Variants in RAPGEF1 observed in about 807,000 individuals in gnomAD.
RAPGEF1 encodes CRK SH3-binding GNRP.
In RAPGEF1, 33 loss-of-function variants were observed where a neutral mutation model predicts 143.3. The observed-to-expected ratio is 0.23, with a 90% CI of 0.17 to 0.31. The LOEUF (loss-of-function observed/expected upper bound fraction) is 0.31. Ranked by LOEUF, RAPGEF1 falls within the 10% of genes least tolerant of loss-of-function variation. RAPGEF1 has a pLI of 1.00. For synonymous variants in RAPGEF1, 629 were observed against 676.5 expected (o/e 0.93, Z 1.09); for missense variants, 1,199 against 1,645.4 (o/e 0.73, Z 4.69).
At chr9:131,730,537 A>C (rs1332818617) in intron 1 of RAPGEF1, among the ~76,000 whole-genome samples, 1 of 151,562 alleles carries the variant, frequency 6.6e-6, no homozygotes, top group Non-Finnish European at 1.5e-5. Flanking sequence ...TCTACTAAAA[A>C]TACAAAAATT....
rs934014801 is a variant in RAPGEF1, at chr9:131,691,212, A to G, written c.62-40263T>C. ...TATTATTTCCACAATGACATGTGAT[A>G]CTATTTTAATTGTTTTAAACCTGTT... On this transcript the variant is annotated intron_variant, in intron 1 of 26. Coordinates refer to ENST00000683357, the MANE Select transcript of RAPGEF1 (RefSeq NM_001377935.1). Among the ~76,000 whole-genome samples the G allele has an allele frequency of 2.0e-5, 3 of 152,356 alleles. No individual in the cohort carries two copies. In the South Asian group the frequency reaches 6.2e-4, roughly 32 times the overall value.
rs1025421553 is a variant in RAPGEF1 at position 131,655,778 on chromosome 9, G to T, written c.62-4829C>A. On this transcript the variant is annotated intron_variant, in intron 1 of 26. Transcript: ENST00000683357. The surrounding 1 kb of genome is among the most constrained non-coding windows in gnomAD (Gnocchi z 4.1). The stretch of plus-strand genomic sequence containing the variant: ...ATTTTTTTGTATTTTTAGTAGAGAC[G>T]GGGTGTCACCGTGTTAGCCAGGATG... 1.3e-5 allele frequency among the ~76,000 whole-genome samples: 2 copies of T among 152,050 alleles called. No homozygotes were observed. The highest frequency in any genetic ancestry group is 3.9e-4 in the East Asian group (2 of 5,172).
chr9:131,592,524 G>A (rs1219362126), intron 17 of RAPGEF1, among the ~76,000 whole-genome samples: 2 of 152,130 alleles, frequency 1.3e-5, no homozygotes, highest in Non-Finnish European at 2.9e-5. Context: ...GCGGAAAAGG[G>A]CACTTAGGCT....
intron 1 of RAPGEF1, among the ~76,000 whole-genome samples, chr9:131,728,357 C>T (rs1836809136): frequency 6.6e-6 from 1 of 152,190 alleles, no homozygotes; most frequent in East Asian, 1.9e-4. Flanking sequence ...TTTAATTAAT[C>T]CCCGAAAGTC....
At chr9:131,656,263 T>C (rs1209180376) in intron 1 of RAPGEF1, among the ~76,000 whole-genome samples, 1 of 152,236 alleles carries the variant, frequency 6.6e-6, no homozygotes. Flanking sequence ...TTCTCTTCCT[T>C]TGGCACTGAA....
In RAPGEF1 at chr9:131,604,940, G is replaced by C. The variant is rs1228747597; in HGVS notation, c.2310C>G (p.Phe770Leu). Residue 770 changes from phenylalanine to leucine, a missense_variant, in exon 13 of 27, where the codon TTC (phenylalanine) becomes TTG (leucine). Phe to Leu is a conservative substitution (Grantham distance 22). Around this residue, in one of 6 missense-constraint regions of RAPGEF1, gnomAD observed 293 missense variants for 356.2 expected, o/e 0.82. Transcript: ENST00000683357. Reference sequence around the variant, plus strand: ...CACGCTGAGTTCTCACCGAGTCAGTGAAAGAGGTTTCGGAAGGAAGGCAGA... The same window carrying C: ...CACGCTGAGTTCTCACCGAGTCAGTCAAAGAGGTTTCGGAAGGAAGGCAGA... ...NTVCLPSETS[F>L]TDSSENASEE... 10 of 1,304,378 alleles carry C rather than the reference G, an allele frequency of 7.7e-6. No homozygotes were observed. The highest frequency in any genetic ancestry group is 1.0e-5 in the Non-Finnish European group (10 of 988,746). The allele number at this position is 1,304,378 out of a possible 1,614,324, so 80.8% of individuals were successfully genotyped here.
chr9:131,648,428 CA>C (rs1394533375), intron 3 of RAPGEF1, among the ~76,000 whole-genome samples: 2 of 151,828 alleles, frequency 1.3e-5, no homozygotes, highest in African/African-American at 4.8e-5. Flanking sequence ...ACAAAAACAA[CA>C]AAAAGGGGGG....
intron 1 of RAPGEF1, among the ~76,000 whole-genome samples, chr9:131,730,193 CAAAAAAAAAAAAA>C (rs57402366): frequency 4.5e-5 from 3 of 67,000 alleles, no homozygotes; most frequent in African/African-American, 6.4e-5. Flanking sequence ...GACTCCCTCT[CAAAAAAAAAAAAA>C]AAAAAAAAAA....
chr9:131,730,019 C>G (rs1836928261), intron 1 of RAPGEF1, among the ~76,000 whole-genome samples: 1 of 151,330 alleles, frequency 6.6e-6, no homozygotes, highest in African/African-American at 2.4e-5. Flanking sequence ...ATGGTGAAAC[C>G]CCGTTTCTAC....
At chr9:131,613,772 G>T (rs1231104914) in intron 12 of RAPGEF1, among the ~76,000 whole-genome samples, 1 of 152,132 alleles carries the variant, frequency 6.6e-6, no homozygotes, top group Non-Finnish European at 1.5e-5. Flanking sequence ...CTCAACCTTG[G>T]ACTTGTAGAT....
At chr9:131,627,766 G>C (rs1963685057) in intron 9 of RAPGEF1, 147 bp downstream of exon 9, 2 of 750,322 alleles carry the variant, frequency 2.7e-6, no homozygotes, top group Non-Finnish European at 4.2e-6. Context: ...ATATTTTGCA[G>C]ATGAGGAAGC....
intron 10 of RAPGEF1, 33 bp from the exon 11 acceptor site, chr9:131,622,031 C>A: frequency 6.3e-7 from 1 of 1,586,656 alleles, no homozygotes; most frequent in South Asian, 1.1e-5. Context: ...GCAGCGAGGC[C>A]GGGGGAGGCC....
chr9:131,706,794 C>T (rs1269433883), intron 1 of RAPGEF1, among the ~76,000 whole-genome samples: 2 of 152,166 alleles, frequency 1.3e-5, no homozygotes, highest in South Asian at 2.1e-4. Flanking sequence ...ACAAATAAAA[C>T]CCTATGCGCC....
intron 1 of RAPGEF1, among the ~76,000 whole-genome samples, chr9:131,702,955 G>A (rs551528196): frequency 3.3e-5 from 5 of 152,210 alleles, no homozygotes; most frequent in African/African-American, 1.2e-4. Context: ...AATATGCATC[G>A]TGCAGCCGCT....
chr9:131,737,569 G>T, intron 1 of RAPGEF1: 2 of 1,564,326 alleles, frequency 1.3e-6, no homozygotes, highest in Non-Finnish European at 1.7e-6. Flanking sequence ...AAATGAACTG[G>T]CCTCAGGTCT....
intron 1 of RAPGEF1, among the ~76,000 whole-genome samples, chr9:131,652,813 G>C (rs1452695533): frequency 1.3e-5 from 2 of 152,122 alleles, no homozygotes; most frequent in East Asian, 1.9e-4. Flanking sequence ...AAAAAGTAGA[G>C]TAAATCCATA....
intron 1 of RAPGEF1, among the ~76,000 whole-genome samples, chr9:131,728,317 C>A (rs987427738): frequency 6.6e-6 from 1 of 152,326 alleles, no homozygotes; most frequent in Middle Eastern, 3.4e-3. Flanking sequence ...ACTCTGTGAT[C>A]ATTTCACCTC....
intron 1 of RAPGEF1, among the ~76,000 whole-genome samples, chr9:131,659,780 A>T (rs999989329): frequency 6.6e-6 from 1 of 152,174 alleles, no homozygotes; most frequent in Non-Finnish European, 1.5e-5. Context: ...AAAGCTAAAA[A>T]TAACCCCAGT....
chr9:131,617,793 G>A (rs1005109965), intron 12 of RAPGEF1, among the ~76,000 whole-genome samples: 2 of 152,180 alleles, frequency 1.3e-5, no homozygotes, highest in Non-Finnish European at 2.9e-5. Context: ...CATCTTTGGC[G>A]GGGGGCCATG....
Sources: gnomAD v4.1 joint callset for allele counts (sites outside exome capture counted in the v4.1 genomes callset) on GRCh38, gnomAD v4.1.1 for gene constraint, gnomAD v4.1.1 regional missense constraint, Gnocchi (gnomAD v3.1) non-coding constraint, MANE v1.5 for transcripts, NCBI Gene and HGNC (gene_info 2026-07-23, HGNC 2026-07-21) for gene names.